TENM3: variants seen among roughly 807,000 people sequenced by gnomAD.
TENM3 encodes teneurin-3.
In TENM3, 63 loss-of-function variants were observed where a neutral mutation model predicts 255.1. The observed-to-expected ratio is 0.25, with a 90% CI of 0.20 to 0.30. The LOEUF is 0.30. TENM3 is among the 10% of genes least tolerant of loss of function. TENM3 has a pLI of 1.00. For missense variants in TENM3, 2,929 were observed against 3,461.1 expected (o/e 0.85, Z 3.86); for synonymous variants, 1,306 against 1,322.3 (o/e 0.99, Z 0.27).
chr4:181,986,832 C>T, the TENM3 span, among the ~76,000 whole-genome samples: 1 of 152,030 alleles, frequency 6.6e-6, no homozygotes, highest in African/African-American at 2.4e-5. Flanking sequence ...CATAGATATA[C>T]ATCTATAGGC....
chr4:182,641,729 G>T (rs1752334450), intron 5 of TENM3, among the ~76,000 whole-genome samples: 1 of 152,156 alleles, frequency 6.6e-6, no homozygotes, highest in African/African-American at 2.4e-5. Context: ...GTTTTGCCAT[G>T]TTGGTCAAGC....
At chr4:181,776,293 A>G in the TENM3 span, among the ~76,000 whole-genome samples, 1 of 152,104 alleles carries the variant, frequency 6.6e-6, no homozygotes, top group Non-Finnish European at 1.5e-5. Context: ...TACTATGTAT[A>G]TACACAAATT....
chr4:181,668,804 G>T, the TENM3 span, among the ~76,000 whole-genome samples: 13 of 152,092 alleles, frequency 8.5e-5, no homozygotes, highest in Admixed American at 7.2e-4. Flanking sequence ...TGCCCTTGCT[G>T]CTCCTTCTCC....
chr4:182,291,185 T>C (rs1366659751), intron 1 of TENM3, among the ~76,000 whole-genome samples: 1 of 152,096 alleles, frequency 6.6e-6, no homozygotes, highest in Non-Finnish European at 1.5e-5. Flanking sequence ...AAGTGCAGGA[T>C]CCCTGTGCTG....
the TENM3 span, among the ~76,000 whole-genome samples, chr4:181,643,227 C>T: frequency 2.0e-5 from 3 of 152,296 alleles, no homozygotes; most frequent in East Asian, 5.8e-4. Context: ...AGGTCCTTCA[C>T]GTTCCTTGTA....
chr4:182,466,885 G>T (rs1732655011), intron 3 of TENM3, among the ~76,000 whole-genome samples: 2 of 151,028 alleles, frequency 1.3e-5, no homozygotes, highest in African/African-American at 4.9e-5. Flanking sequence ...CATTCCTTAG[G>T]GGGTTTAGAT....
chr4:182,606,056 C>G (rs1026022306), intron 4 of TENM3, among the ~76,000 whole-genome samples: 3 of 152,208 alleles, frequency 2.0e-5, no homozygotes, highest in Non-Finnish European at 4.4e-5. Context: ...TTGAACATTT[C>G]TAATAGTTTC....
In TENM3 at chr4:182,792,042, G is replaced by A. The variant is rs971272595; in HGVS notation, c.5602-232G>A. Among the ~76,000 whole-genome samples the A allele has an allele frequency of 6.6e-6, 1 of 152,098 alleles. No individual in the cohort carries two copies. The highest frequency in any genetic ancestry group is 1.5e-5 in the Non-Finnish European group (1 of 68,036). ...TGTCTGGGAAAATAATGGTACTGTC[G>A]TGACAGGCAGCACATTGTGAATCTC... is the stretch of plus-strand genomic sequence containing the variant. On this transcript the variant is annotated intron_variant, in intron 25 of 27. Coordinates refer to ENST00000511685, the MANE Select transcript of TENM3 (RefSeq NM_001080477.4). The surrounding 1 kb of genome is among the most constrained non-coding windows in gnomAD (Gnocchi z 6.3).
intron 17 of TENM3, 140 bp from the exon 18 acceptor site, chr4:182,738,260 TA>T (rs1561182311): frequency 1.5e-6 from 1 of 670,752 alleles, no homozygotes. Context: ...CTTCTTAAAT[TA>T]AAAAATAAAC....
chr4:181,945,927 CAT>C, the TENM3 span, among the ~76,000 whole-genome samples: 2,587 of 152,090 alleles, frequency 0.017, 63 homozygotes, highest in South Asian at 0.06. Flanking sequence ...TATATACACA[CAT>C]ATTTTATTGT....
At chr4:181,448,418 G>A in the TENM3 span, among the ~76,000 whole-genome samples, 1 of 151,758 alleles carries the variant, frequency 6.6e-6, no homozygotes, top group Non-Finnish European at 1.5e-5. Context: ...TGATCCGCCC[G>A]CCTCGGCCTC....
chr4:181,747,065 A>T, the TENM3 span, among the ~76,000 whole-genome samples: 6 of 152,046 alleles, frequency 3.9e-5, no homozygotes, highest in African/African-American at 1.4e-4. Context: ...AGTGCGTTTA[A>T]AATTTGTTTA....
chr4:182,564,354 A>G (rs372141901), intron 3 of TENM3, among the ~76,000 whole-genome samples: 6 of 151,578 alleles, frequency 4.0e-5, no homozygotes, highest in Non-Finnish European at 5.9e-5. Context: ...AGGTCTCACT[A>G]TGTTGCCCAC....
At chr4:181,525,396 CAAAAAAAAAAA>C in the TENM3 span, among the ~76,000 whole-genome samples, 15 of 97,316 alleles carry the variant, frequency 1.5e-4, no homozygotes, top group African/African-American at 5.4e-4. Flanking sequence ...GACCCTGTTT[CAAAAAAAAAAA>C]AAAAAAAAAA....
At chr4:182,276,372 C>T (rs1343727117) in intron 1 of TENM3, among the ~76,000 whole-genome samples, 2 of 152,074 alleles carry the variant, frequency 1.3e-5, no homozygotes, top group East Asian at 1.9e-4. Context: ...AGTGTTTAAA[C>T]GGGCAGAACA....
At chr4:182,149,132 A>G (rs1053723966) in intron 1 of TENM3, among the ~76,000 whole-genome samples, 1 of 151,980 alleles carries the variant, frequency 6.6e-6, no homozygotes, top group African/African-American at 2.4e-5. Flanking sequence ...ATGTATCTTT[A>G]TTTTATTCTC....
At chr4:181,539,016 T>A in the TENM3 span, among the ~76,000 whole-genome samples, 1 of 152,230 alleles carries the variant, frequency 6.6e-6, no homozygotes, top group African/African-American at 2.4e-5. Flanking sequence ...TACAAATCTT[T>A]TATATTGTCC....
chr4:181,664,719 C>T, the TENM3 span, among the ~76,000 whole-genome samples: 63 of 152,110 alleles, frequency 4.1e-4, no homozygotes, highest in African/African-American at 1.5e-3. Flanking sequence ...TTCACAGCCT[C>T]CTTGCAGGAC....
chr4:181,533,214 T>C, the TENM3 span, among the ~76,000 whole-genome samples: 3 of 152,242 alleles, frequency 2.0e-5, no homozygotes, highest in East Asian at 3.9e-4. Flanking sequence ...GTAACCCTTA[T>C]GGTTTAGCCC....
Sources: gnomAD v4.1 joint callset for allele counts (sites outside exome capture counted in the v4.1 genomes callset) on GRCh38, gnomAD v4.1.1 for gene constraint, Gnocchi (gnomAD v3.1) non-coding constraint, MANE v1.5 for transcripts, NCBI Gene and HGNC (gene_info 2026-07-23, HGNC 2026-07-21) for gene names.